TRDMT1: variants seen among roughly 807,000 people sequenced by gnomAD.
TRDMT1 encodes the protein tRNA (cytosine(38)-C(5))-methyltransferase.
A neutral mutation model predicts 51.2 loss-of-function variants in TRDMT1; 49 were observed. The observed-to-expected ratio is 0.96, with a 90% CI of 0.76 to 1.21. TRDMT1 has a LOEUF of 1.21. TRDMT1 is among the 50% of genes most tolerant of loss of function. The pLI, the probability that TRDMT1 is intolerant of heterozygous loss-of-function variation, is 0.00. For synonymous variants in TRDMT1, 187 were observed against 164.6 expected, an observed-to-expected ratio of 1.14 and a Z score of -1.04; for missense variants, 534 against 462.3, an observed-to-expected ratio of 1.16 and a Z score of -1.42.
Position 17,147,880 on chromosome 10 carries a change from G to A in TRDMT1, c.*1160C>T, listed in dbSNP as rs984533975. 2.0e-5 allele frequency: 11 copies of A among 552,462 alleles called. No homozygotes were observed. The highest frequency in any genetic ancestry group is 2.3e-5 in the Non-Finnish European group (10 of 434,738). 34.2% of individuals were successfully genotyped at this position (552,462 alleles called of 1,614,324 possible). A position where few individuals can be genotyped will look rare whatever the true frequency, so the allele number is the denominator to read the frequency against. On this transcript the variant is annotated 3_prime_UTR_variant, in exon 11 of 11. Transcript: ENST00000377799. ...GTAATTCTATGTTGAATTTTGTGAC[G>A]AACCTCCATAGCGTTTTCCAACAGC... is the stretch of plus-strand genomic sequence containing the variant.
At chr10:17,162,121 A>C (rs564892719) in intron 4 of TRDMT1, 45 bp downstream of exon 4, 7 of 1,506,246 alleles carry the variant, frequency 4.6e-6, no homozygotes, top group Middle Eastern at 1.7e-4. Context: ...CCAGACCTGG[A>C]GTTTCAAATG....
At chr10:17,201,408 G>C (rs1564360428) in intron 1 of TRDMT1, 163 bp downstream of exon 1, 2 of 639,228 alleles carry the variant, frequency 3.1e-6, no homozygotes, top group Admixed American at 3.7e-5. Context: ...GGGTGGACAC[G>C]GCGGCGCGCA....
intron 1 of TRDMT1, among the ~76,000 whole-genome samples, chr10:17,182,629 G>A (rs946966474): frequency 6.6e-6 from 1 of 152,118 alleles, no homozygotes; most frequent in Admixed American, 6.5e-5. Flanking sequence ...AATTTGGGGA[G>A]TGAAGACTTC....
At chr10:17,195,678 AAAGAT>A (rs1156682611) in intron 1 of TRDMT1, among the ~76,000 whole-genome samples, 2 of 152,236 alleles carry the variant, frequency 1.3e-5, no homozygotes, top group Non-Finnish European at 2.9e-5. Context: ...CCTCACAAGA[AAAGAT>A]AAGTAATTCA....
In TRDMT1 at chr10:17,146,526, T is replaced by C. The variant is rs1838125263; in HGVS notation, c.*2514A>G. Reference sequence around the variant, plus strand: ...TGATTTGGTCATCTCTTAGAATTAGTTTTGGATCCTGAAGACATACTAAAA... The same window carrying C: ...TGATTTGGTCATCTCTTAGAATTAGCTTTGGATCCTGAAGACATACTAAAA... On this transcript the variant is annotated 3_prime_UTR_variant, in exon 11 of 11. Transcript: ENST00000377799. 1 of 984,900 alleles carries C rather than the reference T, an allele frequency of 1.0e-6. No homozygotes were observed. The allele number at this position is 984,900 out of a possible 1,614,324, so 61.0% of individuals were successfully genotyped here.
chr10:17,172,812 T>A (rs1222007224), intron 2 of TRDMT1, among the ~76,000 whole-genome samples: 1 of 152,174 alleles, frequency 6.6e-6, no homozygotes, highest in Non-Finnish European at 1.5e-5. Context: ...ATAACATTCG[T>A]AGCAGTAAAG....
At chr10:17,196,652 G>T (rs1331324733) in intron 1 of TRDMT1, among the ~76,000 whole-genome samples, 1 of 152,190 alleles carries the variant, frequency 6.6e-6, no homozygotes, top group Non-Finnish European at 1.5e-5. Context: ...AATAGACATT[G>T]TTATACTGTG....
At position 17,148,182 on chromosome 10, in the gene TRDMT1, G is replaced by A; in HGVS notation, c.*858C>T. On this transcript the variant is annotated 3_prime_UTR_variant, in exon 11 of 11. Transcript: ENST00000377799. ...AAAGTCATAAAAGTTCATTGAGAGT[G>A]TATGTTGCTACAATAAAGAACAACT... is the stretch of plus-strand genomic sequence containing the variant. 2.0e-6 allele frequency: 2 copies of A among 985,236 alleles called. No individual in the cohort carries two copies. The highest frequency in any genetic ancestry group is 2.4e-6 in the Non-Finnish European group (2 of 829,894). The allele number at this position is 985,236 out of a possible 1,614,324, so 61.0% of individuals were successfully genotyped here. A position where few individuals can be genotyped will look rare whatever the true frequency, so the allele number is the denominator to read the frequency against.
chr10:17,149,518 C>A (rs1838419326), intron 10 of TRDMT1, among the ~76,000 whole-genome samples: 1 of 152,062 alleles, frequency 6.6e-6, no homozygotes, highest in Non-Finnish European at 1.5e-5. Flanking sequence ...ATAAAAATCA[C>A]CCATTTAAAG....
chr10:17,169,573 C>A (rs543811940), intron 2 of TRDMT1: 43 of 1,274,776 alleles, frequency 3.4e-5, no homozygotes, highest in Non-Finnish European at 4.0e-5. Flanking sequence ...GGGAAGCACA[C>A]GTCAGGGGTT....
chr10:17,195,484 A>C (rs1845282978), intron 1 of TRDMT1, among the ~76,000 whole-genome samples: 1 of 152,092 alleles, frequency 6.6e-6, no homozygotes, highest in Non-Finnish European at 1.5e-5. Context: ...AGGTTAAAAA[A>C]CTAACTGTGG....
At chr10:17,190,433 CA>C (rs36012341) in intron 1 of TRDMT1, among the ~76,000 whole-genome samples, 74,231 of 127,994 alleles carry the variant, frequency 0.58, 20,536 homozygotes, top group Non-Finnish European at 0.68. Flanking sequence ...AATAAAAGAG[CA>C]AAAAAAAAAA....
At position 17,138,163 on chromosome 10, in the gene TRDMT1, T is replaced by C. The variant is rs1837476528; in HGVS notation, c.*10877A>G. 6.6e-6 allele frequency among the ~76,000 whole-genome samples: 1 copy of C among 152,216 alleles called. No homozygotes were observed. The highest frequency in any genetic ancestry group is 1.5e-5 in the Non-Finnish European group (1 of 68,030). On this transcript the variant is annotated 3_prime_UTR_variant, in exon 11 of 11. Coordinates refer to ENST00000377799, the MANE Select transcript of TRDMT1 (RefSeq NM_004412.7). Reference sequence around the variant, plus strand: ...TAATGCTAGCTCCCATTACATGTTATAGCTTCAATCTGGCTTTTGTGCTTT... The same window carrying C: ...TAATGCTAGCTCCCATTACATGTTACAGCTTCAATCTGGCTTTTGTGCTTT...
chr10:17,175,408 C>A lies in TRDMT1; in HGVS notation c.65-748G>T, dbSNP rs148019835. 8.6e-5 allele frequency among the ~76,000 whole-genome samples: 13 copies of A among 151,968 alleles called. No individual in the cohort carries two copies. In the East Asian group the frequency reaches 2.3e-3, roughly 27 times the overall value. ...TTCTAGCATATTCTTTAATGTTAGC[C>A]GAAATTGGAACTCCACAATTGTAGC... On this transcript the variant is annotated intron_variant, in intron 1 of 10. Transcript: ENST00000377799.
intron 2 of TRDMT1, among the ~76,000 whole-genome samples, chr10:17,170,929 C>T (rs997018739): frequency 1.3e-5 from 2 of 151,820 alleles, no homozygotes; most frequent in African/African-American, 4.8e-5. Flanking sequence ...TGGTATTTTC[C>T]GGCATACTCA....
At chr10:17,168,947 G>T (rs1294931251) in intron 2 of TRDMT1, 30 bp from the exon 3 acceptor site, 3 of 1,461,716 alleles carry the variant, frequency 2.1e-6, no homozygotes, top group Admixed American at 3.9e-5. Flanking sequence ...GGGGAAAAAA[G>T]AACATAAAAA....
intron 8 of TRDMT1, among the ~76,000 whole-genome samples, chr10:17,156,262 T>C (rs969645544): frequency 1.3e-5 from 2 of 149,382 alleles, no homozygotes; most frequent in Non-Finnish European, 3.0e-5. Context: ...TGAGACAGAG[T>C]CTCACTCTGT....
chr10:17,147,467 C>T lies in TRDMT1; in HGVS notation c.*1573G>A. On this transcript the variant is annotated 3_prime_UTR_variant, in exon 11 of 11. Transcript: ENST00000377799. ...CAGTTGCAGTGGCATTAAGTACACT[C>T]ACACTGTTGTGCAACCATCCTCCCC... is the stretch of plus-strand genomic sequence containing the variant. 1.8e-6 allele frequency: 1 copy of T among 545,458 alleles called. No individual in the cohort carries two copies. Among genetic ancestry groups the T allele is most frequent in the Non-Finnish European group, 2.3e-6 (1 of 428,222 alleles). 33.8% of individuals were successfully genotyped at this position (545,458 alleles called of 1,614,324 possible).
At chr10:17,191,512 A>T (rs1474007831) in intron 1 of TRDMT1, among the ~76,000 whole-genome samples, 2 of 152,166 alleles carry the variant, frequency 1.3e-5, no homozygotes, top group South Asian at 4.1e-4. Context: ...GAGGGAGTGC[A>T]TTAGCACGTC....
Sources: gnomAD v4.1 joint callset for allele counts (sites outside exome capture counted in the v4.1 genomes callset) on GRCh38, gnomAD v4.1.1 for gene constraint, MANE v1.5 for transcripts, NCBI Gene and HGNC (gene_info 2026-07-23, HGNC 2026-07-21) for gene names.